TTLL6: variants seen among roughly 807,000 people sequenced by gnomAD.
TTLL6 encodes tubulin polyglutamylase TTLL6.
A neutral mutation model predicts 96.4 loss-of-function variants in TTLL6; 75 were observed. That is an observed-to-expected ratio of 0.78 (90% CI 0.65 to 0.94). The LOEUF is 0.94. Among genes scored for constraint, TTLL6 ranks in the 40% least tolerant of loss-of-function variants. The pLI, the probability that TTLL6 is intolerant of heterozygous loss-of-function variation, is 0.00. For missense variants in TTLL6, 1,030 were observed against 1,093.0 expected (o/e 0.94, Z 0.81); for synonymous variants, 411 against 419.4 (o/e 0.98, Z 0.24).
chr17:48,777,705 TGG>T (rs2038903689), intron 13 of TTLL6, among the ~76,000 whole-genome samples: 1 of 147,312 alleles, frequency 6.8e-6, no homozygotes, highest in Admixed American at 6.9e-5. Flanking sequence ...CACTCAAGCC[TGG>T]GCGACAGAGT....
chr17:48,801,486 T>C, intron 4 of TTLL6, 39 bp downstream of exon 4: 1 of 1,551,332 alleles, frequency 6.4e-7, no homozygotes, highest in Non-Finnish European at 8.7e-7. Context: ...CCGGGTAAGA[T>C]GGCACACTTA....
intron 10 of TTLL6, among the ~76,000 whole-genome samples, chr17:48,789,214 T>A (rs1345539951): frequency 6.6e-6 from 1 of 152,150 alleles, no homozygotes; most frequent in East Asian, 1.9e-4. Context: ...TAGCTATATA[T>A]CTGTAACTTA....
In TTLL6 at chr17:48,817,149, GGGCCTTCTAGGCCTTCGATT is replaced by G; in HGVS notation, c.-97_-78del. The G allele has an allele frequency of 9.1e-7, 1 of 1,094,876 alleles. No individual in the cohort carries two copies. Among genetic ancestry groups the G allele is most frequent in the Non-Finnish European group, 1.3e-6 (1 of 772,782 alleles). The allele number at this position is 1,094,876 out of a possible 1,614,324, so 67.8% of individuals were successfully genotyped here. On this transcript the variant is annotated 5_prime_UTR_variant, in exon 1 of 16. An upstream open reading frame in the 5' UTR loses its in-frame stop. Transcript: ENST00000393382. ...CGCCCGGCCCTCATATTTGCATACG[GGGCCTTCTAGGCCTTCGATT>G]GGCCCCTGCAGTAGCTGCCATGCCC...
In TTLL6 at chr17:48,777,047, C is replaced by CACATAT. The variant is rs1555563994; in HGVS notation, c.2041-6951_2041-6950insATATGT. 3.3e-5 allele frequency among the ~76,000 whole-genome samples: 5 copies of CACATAT among 151,794 alleles called. No individual in the cohort carries two copies. The South Asian group carries it at 8.3e-4, about 25-fold the overall frequency. ...ACACACACACACACACACACACACA[C>CACATAT]ACCCCTAAAAAATCAAAGGAACAGA... On this transcript the variant is annotated intron_variant, in intron 13 of 15. Transcript: ENST00000393382.
At position 48,786,027 on chromosome 17, in the gene TTLL6, C is replaced by T. The variant is rs990421191; in HGVS notation, c.1761+137G>A. 3.0e-6 allele frequency: 4 copies of T among 1,316,226 alleles called. No homozygotes were observed. The Admixed American group carries it at 6.6e-5, about 22-fold the overall frequency. The allele number at this position is 1,316,226 out of a possible 1,614,324, so 81.5% of individuals were successfully genotyped here. ...GTGCCTTCAGGGCTCCCCGCACCGC[C>T]CCGTCGTTGCCCAGCCCTCTGCACA... On this transcript the variant is annotated intron_variant, in intron 12 of 15. Transcript: ENST00000393382.
intron 1 of TTLL6, among the ~76,000 whole-genome samples, chr17:48,813,601 T>C (rs576389): frequency 0.48 from 73,383 of 151,820 alleles, 18,376 homozygotes; most frequent in East Asian, 0.84. Context: ...AATCAGTTGG[T>C]CCCACATCAT....
chr17:48,813,230 C>T (rs990260204), intron 1 of TTLL6, among the ~76,000 whole-genome samples: 2 of 152,092 alleles, frequency 1.3e-5, no homozygotes, highest in African/African-American at 2.4e-5. Flanking sequence ...CTCCTAACTC[C>T]CAAAAGCAAT....
chr17:48,763,033 G>C (rs2038520176), intron 15 of TTLL6, 60 bp from the exon 16 acceptor site: 2 of 420,620 alleles, frequency 4.8e-6, no homozygotes, highest in East Asian at 7.1e-5. Context: ...GAATATTAAA[G>C]TCAATGAACT....
At chr17:48,786,472 A>G in intron 11 of TTLL6, 137 bp from the exon 12 acceptor site, 2 of 987,382 alleles carry the variant, frequency 2.0e-6, no homozygotes, top group Non-Finnish European at 3.1e-6. Context: ...TCCAGTCTGC[A>G]CAAGTGATTG....
intron 13 of TTLL6, among the ~76,000 whole-genome samples, chr17:48,779,293 G>C (rs1042156492): frequency 7.1e-6 from 1 of 140,612 alleles, no homozygotes. Flanking sequence ...GGCTGAGGTT[G>C]CAGTGAGCCA....
rs1231488435 is a variant in TTLL6 at position 48,769,100 on chromosome 17, A to G, written c.2565T>C (p.Asp855=). Residue 855 remains aspartate, a synonymous_variant, in exon 15 of 16, where the codon GAT becomes GAC. Transcript: ENST00000393382. ...LLVIATPAQL[D]PRPCRSHASA... is the part of the protein sequence containing the mutation. ...TTGCGTGGCTTCTACAAGGCCTTGG[A>G]TCCAGTTGGGCTGGAGTGGCAATCA... 1 of 1,614,120 alleles carries G rather than the reference A, an allele frequency of 6.2e-7. No homozygotes were observed. The highest frequency in any genetic ancestry group is 1.1e-5 in the South Asian group (1 of 91,082).
intron 3 of TTLL6, 65 bp from the exon 4 acceptor site, chr17:48,801,708 C>T: frequency 1.5e-6 from 2 of 1,366,860 alleles, no homozygotes; most frequent in Non-Finnish European, 2.0e-6. Context: ...GGGGAGATTC[C>T]ATTACTAGGT....
intron 12 of TTLL6, 75 bp from the exon 13 acceptor site, chr17:48,785,276 G>A: frequency 6.3e-7 from 1 of 1,590,346 alleles, no homozygotes; most frequent in Admixed American, 1.8e-5. Context: ...TCTGCACCCA[G>A]GGGTAGGTGA....
chr17:48,779,623 C>T (rs926622346), intron 13 of TTLL6, among the ~76,000 whole-genome samples: 3 of 151,986 alleles, frequency 2.0e-5, no homozygotes, highest in Non-Finnish European at 4.4e-5. Context: ...GCTTTAATGA[C>T]CATAAAATAA....
At chr17:48,786,112 G>A in intron 12 of TTLL6, 52 bp downstream of exon 12, 2 of 1,609,230 alleles carry the variant, frequency 1.2e-6, no homozygotes, top group South Asian at 2.2e-5. Flanking sequence ...CACGGATCAG[G>A]CCCAGGTGGG....
chr17:48,789,666 T>C (rs923245180), intron 10 of TTLL6, among the ~76,000 whole-genome samples: 18 of 152,146 alleles, frequency 1.2e-4, no homozygotes, highest in African/African-American at 4.3e-4. Flanking sequence ...GCAATTCTCC[T>C]GCCTCAGTCT....
rs745997850 is a variant in TTLL6, at chr17:48,791,362, G to A, written c.1224+16C>T. On this transcript the variant is annotated intron_variant, in intron 9 of 15. Transcript: ENST00000393382. ...TAACAGGAGTTCGTTTTCGCCCCTCGCCCAAACTTCCCTACCTCCAGCAGC... is the reference window on the plus strand; with the variant it reads ...TAACAGGAGTTCGTTTTCGCCCCTCACCCAAACTTCCCTACCTCCAGCAGC... 9 of 1,610,262 alleles carry A rather than the reference G, an allele frequency of 5.6e-6. No homozygotes were observed. The highest frequency in any genetic ancestry group is 3.3e-5 in the South Asian group (3 of 90,862).
chr17:48,775,131 A>G (rs1332231065), intron 13 of TTLL6, among the ~76,000 whole-genome samples: 3 of 152,088 alleles, frequency 2.0e-5, no homozygotes, highest in Admixed American at 6.6e-5. Flanking sequence ...TTAAAAAAAA[A>G]AAAGAAAGAA....
intron 8 of TTLL6, among the ~76,000 whole-genome samples, chr17:48,793,601 A>G (rs2039266314): frequency 6.8e-6 from 1 of 147,752 alleles, no homozygotes; most frequent in Non-Finnish European, 1.5e-5. Flanking sequence ...CGTCTCAAGA[A>G]AAAAAAAAAA....
Sources: allele counts gnomAD v4.1 joint callset (sites outside exome capture counted in the v4.1 genomes callset), GRCh38; gene constraint gnomAD v4.1.1; transcripts MANE v1.5; gene names NCBI Gene and HGNC (gene_info 2026-07-23, HGNC 2026-07-21).